Variants in CNTLN observed in about 807,000 individuals in gnomAD.
The protein encoded by CNTLN is centlein, centrosomal protein.
In CNTLN, 212 loss-of-function variants were observed where a neutral mutation model predicts 180.0. The observed-to-expected ratio is 1.18, with a 90% confidence interval of 1.05 to 1.32. The LOEUF is 1.32. Among genes scored for constraint, CNTLN ranks in the 40% most tolerant of loss-of-function variants. The pLI is 0.00. For missense variants in CNTLN, 2,095 were observed against 1,610.9 expected (o/e 1.30, Z -5.14); for synonymous variants, 722 against 563.1 (o/e 1.28, Z -3.99).
chr9:17,306,304 C>T (rs1334753189), intron 7 of CNTLN, among the ~76,000 whole-genome samples: 1 of 152,102 alleles, frequency 6.6e-6, no homozygotes, highest in Non-Finnish European at 1.5e-5. Context: ...CGTGTGCCAC[C>T]ATGCCCAGCT....
intron 18 of CNTLN, among the ~76,000 whole-genome samples, chr9:17,420,517 AT>A (rs1247526047): frequency 7.3e-5 from 11 of 150,452 alleles, no homozygotes; most frequent in Non-Finnish European, 1.5e-4. Context: ...TGTTTTATTG[AT>A]TTTTTTCATA....
chr9:17,432,410 A>C (rs1232928382), intron 18 of CNTLN, among the ~76,000 whole-genome samples: 1 of 152,198 alleles, frequency 6.6e-6, no homozygotes. Context: ...GAAGAGCTTC[A>C]GAATTAGTTA....
intron 5 of CNTLN, among the ~76,000 whole-genome samples, chr9:17,239,913 AT>A (rs1212473827): frequency 6.6e-6 from 1 of 151,666 alleles, no homozygotes; most frequent in Non-Finnish European, 1.5e-5. Flanking sequence ...TGTCCTCCAT[AT>A]TTTTTCTTTT....
rs1377801831 is a variant in CNTLN, at chr9:17,394,833, C to A, written c.2379C>A (p.Asn793Lys). The A allele has an allele frequency of 6.2e-7, 1 of 1,613,896 alleles. No individual in the cohort carries two copies. ...GAAATGAAAATGAAGAGCTGATCAACCCAATGGAGAAATCACACCAGTCAG... is the reference window on the plus strand; with the variant it reads ...GAAATGAAAATGAAGAGCTGATCAAACCAATGGAGAAATCACACCAGTCAG... ...ALRNENEELINPMEKSHQSAD... is the reference protein window; with the variant it reads ...ALRNENEELIKPMEKSHQSAD... Residue 793 changes from asparagine to lysine, a missense_variant, in exon 15 of 26, where the codon AAC becomes AAA. Coordinates refer to ENST00000380647, the MANE Select transcript of CNTLN (RefSeq NM_017738.4).
At chr9:17,399,033 T>A (rs1826758990) in intron 15 of CNTLN, among the ~76,000 whole-genome samples, 3 of 152,196 alleles carry the variant, frequency 2.0e-5, no homozygotes. Context: ...CCAACTAGCC[T>A]TCATCTACCA....
chr9:17,499,309 A>C lies in CNTLN; in HGVS notation c.4120-3242A>C, dbSNP rs1228356485. Among the ~76,000 whole-genome samples the C allele has an allele frequency of 2.6e-5, 4 of 152,148 alleles. No homozygotes were observed. The East Asian group carries it at 7.7e-4, about 29-fold the overall frequency. ...CTGACTTTCAGGTTAACTATAATTT[A>C]TGATGTTTAAGAGTTAGCGTGTTAT... is the stretch of plus-strand genomic sequence containing the variant. On this transcript the variant is annotated intron_variant, in intron 25 of 25. Coordinates refer to ENST00000380647, the MANE Select transcript of CNTLN (RefSeq NM_017738.4).
rs531199258 is a variant in CNTLN at position 17,332,608 on chromosome 9, C to A, written c.1522C>A (p.Pro508Thr). The change falls in exon 10 of 26, where the codon CCA becomes ACA. Residue 508 changes from proline to threonine, a missense_variant. Coordinates refer to ENST00000380647, the MANE Select transcript of CNTLN (RefSeq NM_017738.4). ...MTSAEGKHKE[P>T]PVKRSRSLSP... The stretch of plus-strand genomic sequence containing the variant: ...ATGTCCTTGTTTTATTCTCGAGGAA[C>A]CACCTGTGAAACGTTCAAGGTCTTT... The A allele has an allele frequency of 1.2e-6, 2 of 1,602,930 alleles. No homozygotes were observed. Among genetic ancestry groups the A allele is most frequent in the East Asian group, 2.3e-5 (1 of 44,290 alleles).
chr9:17,471,282 AT>A (rs1283096328), intron 23 of CNTLN, among the ~76,000 whole-genome samples: 1 of 151,986 alleles, frequency 6.6e-6, no homozygotes, highest in Non-Finnish European at 1.5e-5. Flanking sequence ...ATCCATAATG[AT>A]TCGATGAAAC....
intron 23 of CNTLN, among the ~76,000 whole-genome samples, chr9:17,467,426 A>G (rs1322857083): frequency 2.0e-5 from 3 of 151,658 alleles, no homozygotes; most frequent in Non-Finnish European, 3.0e-5. Context: ...ATTCCCCTAG[A>G]CATAGAAGTT....
intron 2 of CNTLN, among the ~76,000 whole-genome samples, chr9:17,188,396 T>TAA (rs1821570534): frequency 6.6e-6 from 1 of 152,158 alleles, no homozygotes; most frequent in Non-Finnish European, 1.5e-5. Flanking sequence ...CTATGACCCT[T>TAA]ACATTTATAT....
intron 5 of CNTLN, among the ~76,000 whole-genome samples, chr9:17,263,831 T>A (rs1343961663): frequency 2.1e-5 from 3 of 142,902 alleles, no homozygotes; most frequent in East Asian, 2.1e-4. Context: ...CTTGGCTGCA[T>A]AAATGTCTTC....
intron 8 of CNTLN, among the ~76,000 whole-genome samples, chr9:17,314,674 G>A (rs955458758): frequency 6.6e-6 from 1 of 152,180 alleles, no homozygotes; most frequent in African/African-American, 2.4e-5. Context: ...CCTTGCTAAG[G>A]TAAAAATTCA....
In CNTLN at chr9:17,450,262, G is replaced by A. The variant is rs61652598; in HGVS notation, c.3115-7262G>A. On this transcript the variant is annotated intron_variant, in intron 18 of 25. Transcript: ENST00000380647. ...AAGTGTCATGCTGTGTCTTTAATGTGCACACTGGAGCTGGGTTCATCTGTA... is the reference window on the plus strand; with the variant it reads ...AAGTGTCATGCTGTGTCTTTAATGTACACACTGGAGCTGGGTTCATCTGTA... Among the ~76,000 whole-genome samples the A allele has an allele frequency of 8.3e-3, 1,260 of 152,226 alleles. 13 individuals carry two copies. The highest frequency in any genetic ancestry group is 0.028 in the African/African-American group (1,159 of 41,538).
chr9:17,219,552 T>C (rs1456626475), intron 2 of CNTLN, among the ~76,000 whole-genome samples: 1 of 152,110 alleles, frequency 6.6e-6, no homozygotes, highest in Non-Finnish European at 1.5e-5. Context: ...GGTTTTTGGT[T>C]ATAAGATATA....
At chr9:17,395,780 A>T (rs1295870842) in intron 15 of CNTLN, among the ~76,000 whole-genome samples, 1 of 152,174 alleles carries the variant, frequency 6.6e-6, no homozygotes, top group Non-Finnish European at 1.5e-5. Flanking sequence ...CTATACATTC[A>T]TATATGCACT....
At chr9:17,518,662 G>T in the CNTLN span, among the ~76,000 whole-genome samples, 1 of 152,160 alleles carries the variant, frequency 6.6e-6, no homozygotes, top group Admixed American at 6.5e-5. Context: ...TACCTGCTCA[G>T]AAGTGGAGTG....
At chr9:17,473,344 T>C (rs2134248527) in intron 23 of CNTLN, among the ~76,000 whole-genome samples, 1 of 152,204 alleles carries the variant, frequency 6.6e-6, no homozygotes, top group East Asian at 1.9e-4. Context: ...AGAGATAATT[T>C]CCTCCTTTTT....
In CNTLN at chr9:17,486,985, TCAG is replaced by T; in HGVS notation, c.4042-3_4042-1del. The T allele has an allele frequency of 6.5e-7, 1 of 1,549,278 alleles. No individual in the cohort carries two copies. Among genetic ancestry groups the T allele is most frequent in the Non-Finnish European group, 8.8e-7 (1 of 1,141,050 alleles). On this transcript the variant is annotated splice_acceptor_variant and splice_polypyrimidine_tract_variant and intron_variant, in intron 24 of 25. Transcript: ENST00000380647. LOFTEE classifies it high-confidence loss of function. Reference sequence around the variant, plus strand: ...ACACCAGTGTTTTTATTTTTTTTCTTCAGGAAATTGAAAAAACAAAAATTGATG... The same window carrying T: ...ACACCAGTGTTTTTATTTTTTTTCTTGAAATTGAAAAAACAAAAATTGATG...
chr9:17,287,128 A>T (rs1829034474), intron 6 of CNTLN, among the ~76,000 whole-genome samples: 1 of 129,644 alleles, frequency 7.7e-6, no homozygotes, highest in East Asian at 2.3e-4. Context: ...ATTCAGTATG[A>T]TATTGGCTGT....
Sources: gnomAD v4.1 joint callset for allele counts (sites outside exome capture counted in the v4.1 genomes callset) on GRCh38, gnomAD v4.1.1 for gene constraint, MANE v1.5 for transcripts, NCBI Gene and HGNC (gene_info 2026-07-23, HGNC 2026-07-21) for gene names.